The following GRIP1 variants were observed in gnomAD, a reference collection of about 807,000 sequenced individuals.
The protein encoded by GRIP1 is glutamate receptor-interacting protein 1.
A neutral mutation model predicts 129.9 loss-of-function variants in GRIP1; 45 were observed. The ratio of observed to expected loss-of-function variants is 0.35; its 90% CI spans 0.27 to 0.44. The LOEUF is 0.44. GRIP1 is among the 20% of genes least tolerant of loss of function. GRIP1 has a pLI of 1.00. For missense variants in GRIP1, 1,196 were observed against 1,396.8 expected (o/e 0.86, Z 2.29); for synonymous variants, 530 against 520.8 (o/e 1.02, Z -0.24).
At chr12:66,734,149 T>G (rs532748661) in intron 1 of GRIP1, among the ~76,000 whole-genome samples, 1 of 152,180 alleles carries the variant, frequency 6.6e-6, no homozygotes, top group Non-Finnish European at 1.5e-5. Context: ...AAATTCCTAT[T>G]TTAATTACAG....
intron 7 of GRIP1, among the ~76,000 whole-genome samples, chr12:66,514,037 G>A (rs11176241): frequency 0.19 from 28,797 of 152,018 alleles, 2,947 homozygotes; most frequent in East Asian, 0.32. Context: ...TAAATCACCT[G>A]CCAACCCTCA....
intron 1 of GRIP1, among the ~76,000 whole-genome samples, chr12:66,642,208 G>C (rs1219206484): frequency 2.0e-5 from 3 of 152,060 alleles, no homozygotes; most frequent in Admixed American, 2.0e-4. Flanking sequence ...GGGTGGTGTT[G>C]GGAAAGTGAC....
At chr12:66,419,050 C>A (rs1386821032) in intron 15 of GRIP1, among the ~76,000 whole-genome samples, 1 of 152,034 alleles carries the variant, frequency 6.6e-6, no homozygotes. Context: ...CATAAGTGTC[C>A]ACTGAGAGAT....
In GRIP1 at chr12:66,931,249, T is replaced by A. The variant is rs577836154; in HGVS notation, c.58+137801A>T. 5.9e-5 allele frequency among the ~76,000 whole-genome samples: 9 copies of A among 152,312 alleles called. No homozygotes were observed. The South Asian group carries it at 1.4e-3, about 25-fold the overall frequency. On this transcript the variant is annotated intron_variant, in intron 1 of 1. Coordinates refer to the GRIP1 transcript ENST00000643019. The stretch of plus-strand genomic sequence containing the variant: ...AGAGAGCATGATGCTGACCAGCCCG[T>A]GTCACAGGGATGCCCTGAGGCAGAG...
At chr12:66,839,565 C>G (rs2039677314) in intron 1 of GRIP1, among the ~76,000 whole-genome samples, 1 of 152,254 alleles carries the variant, frequency 6.6e-6, no homozygotes, top group Non-Finnish European at 1.5e-5. Context: ...AAAAATTCCA[C>G]TCAGTCAACT....
chr12:66,669,253 T>A (rs1012555706), intron 1 of GRIP1, among the ~76,000 whole-genome samples: 3 of 151,936 alleles, frequency 2.0e-5, no homozygotes, highest in East Asian at 3.9e-4. Context: ...CCAGGTGTGG[T>A]GATGGGTGCC....
At chr12:66,828,841 T>G (rs373003982) in intron 1 of GRIP1, among the ~76,000 whole-genome samples, 1 of 152,202 alleles carries the variant, frequency 6.6e-6, no homozygotes, top group Non-Finnish European at 1.5e-5. Flanking sequence ...GGGAAGGGAT[T>G]TAACTTATGT....
At chr12:66,911,906 A>G (rs150211595) in intron 1 of GRIP1, among the ~76,000 whole-genome samples, 1 of 152,206 alleles carries the variant, frequency 6.6e-6, no homozygotes, top group Non-Finnish European at 1.5e-5. Flanking sequence ...AGCATCTGAG[A>G]TATGTTGCCT....
intron 1 of GRIP1, among the ~76,000 whole-genome samples, chr12:66,834,827 A>G (rs1018281737): frequency 1.3e-5 from 2 of 150,078 alleles, no homozygotes; most frequent in Non-Finnish European, 3.0e-5. Context: ...AGGCTGAGGC[A>G]GGAGGATTGC....
At chr12:66,513,396 A>G (rs1390014527) in intron 7 of GRIP1, among the ~76,000 whole-genome samples, 1 of 152,090 alleles carries the variant, frequency 6.6e-6, no homozygotes. Context: ...AATAGAATTA[A>G]ATTTGTTGAT....
At chr12:66,446,435 C>T (rs752535744) in intron 11 of GRIP1, among the ~76,000 whole-genome samples, 1 of 152,094 alleles carries the variant, frequency 6.6e-6, no homozygotes, top group African/African-American at 2.4e-5. Flanking sequence ...AACCTGATAA[C>T]ACCATATACC....
chr12:66,884,172 AG>A (rs1159239912), intron 1 of GRIP1, among the ~76,000 whole-genome samples: 1 of 152,246 alleles, frequency 6.6e-6, no homozygotes, highest in Non-Finnish European at 1.5e-5. Flanking sequence ...GCAGAGCAAA[AG>A]GCTGCATGCT....
Position 66,941,843 on chromosome 12 carries a change from T to C in GRIP1, c.58+127207A>G, listed in dbSNP as rs911532283. On this transcript the variant is annotated intron_variant, in intron 1 of 1. Transcript: ENST00000643019. ...ATATCTAGCACTATTCAGTGGAGGATTGTTTACAATCCATATCTGTAAATT... is the reference window on the plus strand; with the variant it reads ...ATATCTAGCACTATTCAGTGGAGGACTGTTTACAATCCATATCTGTAAATT... Among the ~76,000 whole-genome samples, 7 of 152,350 alleles carry C rather than the reference T, an allele frequency of 4.6e-5. No homozygotes were observed. In the South Asian group the frequency reaches 1.0e-3, roughly 23 times the overall value.
intron 16 of GRIP1, among the ~76,000 whole-genome samples, chr12:66,402,024 T>C (rs2057019984): frequency 6.6e-6 from 1 of 152,268 alleles, no homozygotes; most frequent in South Asian, 2.1e-4. Flanking sequence ...ATGACTTGGC[T>C]CCAGTATACC....
In GRIP1 at chr12:66,594,545, G is replaced by A. The variant is rs543016400; in HGVS notation, c.136+2302C>T. Among the ~76,000 whole-genome samples, 3 of 152,004 alleles carry A rather than the reference G, an allele frequency of 2.0e-5. No individual in the cohort carries two copies. The East Asian group carries it at 5.8e-4, about 29-fold the overall frequency. On this transcript the variant is annotated intron_variant, in intron 2 of 24. Coordinates refer to ENST00000359742, the MANE Select transcript of GRIP1 (RefSeq NM_001366722.1). ...TTAGTGTTAGTGTATTTTATGTGTG[G>A]CCCAAGACAATTCTTCCAATGTGGC...
intron 15 of GRIP1, among the ~76,000 whole-genome samples, chr12:66,418,844 G>A (rs368236611): frequency 2.1e-4 from 32 of 152,256 alleles, no homozygotes; most frequent in East Asian, 1.3e-3. Context: ...CACTGTTGAT[G>A]GGAATGTAAA....
At chr12:67,058,549 A>G (rs1464517876) in intron 1 of GRIP1, among the ~76,000 whole-genome samples, 4 of 152,246 alleles carry the variant, frequency 2.6e-5, no homozygotes, top group Non-Finnish European at 2.9e-5. Flanking sequence ...ACTGACTATG[A>G]GAAGAAATAT....
chr12:66,826,747 C>T (rs556621520), intron 1 of GRIP1, among the ~76,000 whole-genome samples: 2 of 152,126 alleles, frequency 1.3e-5, no homozygotes, highest in East Asian at 1.9e-4. Context: ...AACTTTTCCT[C>T]CAAAGCACAA....
chr12:66,809,260 C>A (rs536979058), intron 1 of GRIP1, among the ~76,000 whole-genome samples: 2 of 152,304 alleles, frequency 1.3e-5, no homozygotes, highest in African/African-American at 4.8e-5. Flanking sequence ...GAGATTAAAT[C>A]TTCAATTTAT....
Sources: allele counts gnomAD v4.1 joint callset (sites outside exome capture counted in the v4.1 genomes callset), GRCh38; gene constraint gnomAD v4.1.1; transcripts MANE v1.5; gene names NCBI Gene and HGNC (gene_info 2026-07-23, HGNC 2026-07-21).